The following ABCG2 variants were observed in gnomAD, a reference collection of about 807,000 sequenced individuals.
ABCG2 encodes the protein broad substrate specificity ATP-binding cassette transporter ABCG2.
ABCG2 carries 80 observed loss-of-function variants against 73.5 expected under a neutral mutation model. That is an observed-to-expected ratio of 1.09 (90% CI 0.91 to 1.31). The LOEUF (loss-of-function observed/expected upper bound fraction) is 1.31. Among genes scored for constraint, ABCG2 ranks in the 50% most tolerant of loss-of-function variants. ABCG2 has a pLI of 0.00. For synonymous variants in ABCG2, 269 were observed against 282.4 expected, an observed-to-expected ratio of 0.95 and a Z score of 0.48; for missense variants, 796 against 786.2, an observed-to-expected ratio of 1.01 and a Z score of -0.15.
chr4:88,184,917 G>C (rs1010370937), intron 1 of ABCG2, among the ~76,000 whole-genome samples: 12 of 152,244 alleles, frequency 7.9e-5, no homozygotes, highest in South Asian at 2.1e-4. Flanking sequence ...ATTCATTTTT[G>C]ACAAAGGTCT....
chr4:88,132,632 C>A lies in ABCG2; in HGVS notation c.207G>T (p.Gly69=). Residue 69 remains glycine, a synonymous_variant, in exon 3 of 16, where the codon GGG becomes GGT. Transcript: ENST00000237612. ...VEKEILSNIN[G]IMKPGLNAIL... ...TGGCGTTGAGACCAGGTTTCATGAT[C>A]CCACTGTAAACACAAAAACAGACTG... The A allele has an allele frequency of 6.2e-7, 1 of 1,614,118 alleles. No homozygotes were observed. The highest frequency in any genetic ancestry group is 8.5e-7 in the Non-Finnish European group (1 of 1,179,996).
chr4:88,139,940 C>G lies in ABCG2; in HGVS notation c.56G>C (p.Gly19Ala). The G allele has an allele frequency of 6.2e-7, 1 of 1,614,110 alleles. No individual in the cohort carries two copies. Among genetic ancestry groups the G allele is most frequent in the Non-Finnish European group, 8.5e-7 (1 of 1,180,014 alleles). The change falls in exon 2 of 16, where the codon GGC becomes GCC. Residue 19 changes from glycine (G) to alanine (A), a missense_variant. By Grantham distance (60) the Gly-to-Ala change is moderately conservative (BLOSUM62 0). Transcript: ENST00000237612. ...GTCATTGGAAGCTGTCGCGGGGAAG[C>G]CATTGGTGTTTCCTTGTGACACTGG... ...FIPVSQGNTNGFPATASNDLK... is the reference protein window; with the variant it reads ...FIPVSQGNTNAFPATASNDLK...
At chr4:88,162,380 T>C (rs1727353637), upstream of ABCG2, among the ~76,000 whole-genome samples, 1 of 152,088 alleles carries the variant, frequency 6.6e-6, no homozygotes, top group African/African-American at 2.4e-5. Flanking sequence ...TAAAGACACA[T>C]GACAATAGAG....
At chr4:88,147,304 T>C (rs1726126797) in intron 1 of ABCG2, among the ~76,000 whole-genome samples, 1 of 152,022 alleles carries the variant, frequency 6.6e-6, no homozygotes, top group South Asian at 2.1e-4. Context: ...CAAAAAAACG[T>C]ACCTAAACTC....
chr4:88,195,962 C>T (rs117368075), intron 1 of ABCG2, among the ~76,000 whole-genome samples: 4,001 of 152,254 alleles, frequency 0.026, 136 homozygotes, highest in East Asian at 0.059. Context: ...GCCCATTCGC[C>T]CAGCTCCTGA....
intron 6 of ABCG2, among the ~76,000 whole-genome samples, chr4:88,120,381 C>T (rs1041395095): frequency 2.0e-5 from 3 of 152,112 alleles, no homozygotes; most frequent in African/African-American, 7.2e-5. Context: ...ATGGTAGATC[C>T]ACCAACAGCT....
chr4:88,220,714 T>A (rs1407186336), intron 1 of ABCG2: 1 of 152,254 alleles, frequency 6.6e-6, no homozygotes, highest in Non-Finnish European at 1.5e-5. Flanking sequence ...ATAATCCCCA[T>A]GTGTCATGGG....
intron 5 of ABCG2, among the ~76,000 whole-genome samples, chr4:88,126,950 T>G (rs1047007651): frequency 6.6e-6 from 1 of 152,048 alleles, no homozygotes; most frequent in Non-Finnish European, 1.5e-5. Context: ...GAGAAAGAAA[T>G]AAAGTGTATT....
chr4:88,208,760 A>G (rs1729472062), intron 1 of ABCG2, among the ~76,000 whole-genome samples: 1 of 152,208 alleles, frequency 6.6e-6, no homozygotes, highest in Non-Finnish European at 1.5e-5. Flanking sequence ...AACCCAGACA[A>G]AGCAAATAAA....
intron 1 of ABCG2, among the ~76,000 whole-genome samples, chr4:88,199,719 G>T (rs1353976345): frequency 6.6e-6 from 1 of 152,176 alleles, no homozygotes; most frequent in Non-Finnish European, 1.5e-5. Flanking sequence ...CTTTATTTAG[G>T]CCGGGCGCAG....
At chr4:88,168,502 C>T (rs1267120225) in intron 1 of ABCG2, among the ~76,000 whole-genome samples, 2 of 148,602 alleles carry the variant, frequency 1.3e-5, no homozygotes, top group African/African-American at 5.0e-5. Context: ...AAAAAAAGTT[C>T]ATTTGGTTAT....
At chr4:88,121,014 T>C (rs1723930983) in intron 6 of ABCG2, among the ~76,000 whole-genome samples, 1 of 152,232 alleles carries the variant, frequency 6.6e-6, no homozygotes, top group Admixed American at 6.5e-5. Flanking sequence ...CAAAATATTT[T>C]ATGTGAAGAG....
chr4:88,144,517 A>G (rs1187592435), intron 1 of ABCG2, among the ~76,000 whole-genome samples: 8 of 128,314 alleles, frequency 6.2e-5, no homozygotes, highest in Admixed American at 1.0e-4. Context: ...GTGCAATGGC[A>G]TGATCTAGGC....
intron 1 of ABCG2, among the ~76,000 whole-genome samples, chr4:88,224,786 C>T (rs907938595): frequency 8.5e-5 from 13 of 152,190 alleles, no homozygotes; most frequent in Non-Finnish European, 1.3e-4. Flanking sequence ...CCACAGCCAA[C>T]GTCATGAAGC....
chr4:88,113,266 T>C (rs1454197418), intron 9 of ABCG2, 37 bp downstream of exon 9: 2 of 1,600,920 alleles, frequency 1.2e-6, no homozygotes, highest in Admixed American at 1.7e-5. Flanking sequence ...AACCACATTG[T>C]TCCCATTTGA....
chr4:88,096,561 A>G (rs1341384020), intron 13 of ABCG2, among the ~76,000 whole-genome samples: 1 of 152,226 alleles, frequency 6.6e-6, no homozygotes, highest in Non-Finnish European at 1.5e-5. Flanking sequence ...GAAATGGAAG[A>G]ATTAAACTAT....
intron 10 of ABCG2, among the ~76,000 whole-genome samples, chr4:88,106,276 T>C (rs1008252141): frequency 2.0e-5 from 3 of 152,180 alleles, no homozygotes; most frequent in Non-Finnish European, 1.5e-5. Context: ...TAGCTGGGAC[T>C]ACAGACACAT....
chr4:88,209,386 G>A (rs993750595), intron 1 of ABCG2, among the ~76,000 whole-genome samples: 6 of 151,296 alleles, frequency 4.0e-5, no homozygotes, highest in South Asian at 2.1e-4. Flanking sequence ...AATTCAGACC[G>A]GATGCGGTGG....
At chr4:88,093,899 C>G (rs1302624235) in intron 15 of ABCG2, among the ~76,000 whole-genome samples, 1 of 152,210 alleles carries the variant, frequency 6.6e-6, no homozygotes, top group East Asian at 1.9e-4. Flanking sequence ...TTATTAGAAT[C>G]TGTTTTAACA....
Sources: allele counts gnomAD v4.1 joint callset (sites outside exome capture counted in the v4.1 genomes callset), GRCh38; gene constraint gnomAD v4.1.1; transcripts MANE v1.5; gene names NCBI Gene and HGNC (gene_info 2026-07-23, HGNC 2026-07-21).